TUBD1: variants seen among roughly 807,000 people sequenced by gnomAD.
The protein encoded by TUBD1 is tubulin delta 1.
A neutral mutation model predicts 51.2 loss-of-function variants in TUBD1; 38 were observed. That is an observed-to-expected ratio of 0.74 (90% CI 0.57 to 0.97). TUBD1 has a LOEUF of 0.97. TUBD1 is among the 50% of genes least tolerant of loss of function. The probability of loss-of-function intolerance (pLI) is 0.00; values close to 1 mark genes in which losing one functional copy is unlikely to be tolerated. For missense variants in TUBD1, 489 were observed against 538.4 expected (o/e 0.91, Z 0.91); for synonymous variants, 169 against 178.2 (o/e 0.95, Z 0.41).
chr17:59,862,714 ATTTTTTTTTTTTTTTT>A (rs71145582), intron 8 of TUBD1, among the ~76,000 whole-genome samples: 3 of 56,974 alleles, frequency 5.3e-5, no homozygotes, highest in Admixed American at 2.3e-4. Flanking sequence ...TAATTTTTGT[ATTTTTTTTTTTTTTTT>A]TTTTTTTTTT....
At chr17:59,867,685 A>G (rs1442206700) in intron 6 of TUBD1, among the ~76,000 whole-genome samples, 1 of 151,642 alleles carries the variant, frequency 6.6e-6, no homozygotes, top group Non-Finnish European at 1.5e-5. Flanking sequence ...GAGAAATACC[A>G]CTTGAGGAGT....
intron 1 of TUBD1, among the ~76,000 whole-genome samples, chr17:59,891,433 C>A (rs2144596181): frequency 6.6e-6 from 1 of 152,180 alleles, no homozygotes; most frequent in East Asian, 1.9e-4. Flanking sequence ...CCACGCCCGG[C>A]CCAAAAAGTC....
At chr17:59,885,547 T>G (rs1598569949) in intron 3 of TUBD1, 2 of 1,480,034 alleles carry the variant, frequency 1.4e-6, no homozygotes, top group South Asian at 2.3e-5. Flanking sequence ...GGTTCACTAC[T>G]AGATCTGAGG....
At chr17:59,885,115 A>G in intron 3 of TUBD1, 1 of 346,474 alleles carries the variant, frequency 2.9e-6, no homozygotes, top group Non-Finnish European at 5.6e-6. Flanking sequence ...CGCATAACCA[A>G]TGACATGCTC....
intron 5 of TUBD1, among the ~76,000 whole-genome samples, chr17:59,876,656 C>T (rs941830502): frequency 6.6e-6 from 1 of 151,906 alleles, no homozygotes; most frequent in African/African-American, 2.4e-5. Flanking sequence ...CACACCCGGC[C>T]ACTTTTTAAA....
intron 2 of TUBD1, among the ~76,000 whole-genome samples, chr17:59,890,071 C>T (rs547044695): frequency 3.3e-5 from 5 of 151,876 alleles, no homozygotes; most frequent in African/African-American, 1.2e-4. Context: ...ATAGCCACCG[C>T]ACTCCAGCTT....
At chr17:59,885,527 C>G in intron 3 of TUBD1, 2 of 1,557,896 alleles carry the variant, frequency 1.3e-6, no homozygotes, top group Non-Finnish European at 1.8e-6. Flanking sequence ...TCCAAAGAAC[C>G]TGAGTCGGTG....
chr17:59,871,078 A>G (rs2039960604), intron 6 of TUBD1, among the ~76,000 whole-genome samples: 1 of 152,242 alleles, frequency 6.6e-6, no homozygotes, highest in Admixed American at 6.6e-5. Context: ...GCAACGCTGC[A>G]AGTGAGAAGA....
At chr17:59,870,588 C>A (rs76608740) in intron 6 of TUBD1, among the ~76,000 whole-genome samples, 6,416 of 152,080 alleles carry the variant, frequency 0.042, 476 homozygotes, top group African/African-American at 0.15. Context: ...TGTAGAGAAC[C>A]TTTGGAAAAC....
At chr17:59,873,814 G>A (rs1476933754) in intron 6 of TUBD1, among the ~76,000 whole-genome samples, 1 of 152,020 alleles carries the variant, frequency 6.6e-6, no homozygotes, top group African/African-American at 2.4e-5. Context: ...GCAGTGAGCC[G>A]AGATCGCGCC....
intron 8 of TUBD1, among the ~76,000 whole-genome samples, chr17:59,863,256 G>A (rs2039542267): frequency 6.6e-6 from 1 of 152,110 alleles, no homozygotes; most frequent in African/African-American, 2.4e-5. Context: ...CACCTACAAA[G>A]TAGTAACTAT....
rs886264886 is a variant in TUBD1, at chr17:59,874,456, T to C, written c.934+83A>G. 7.1e-5 allele frequency: 98 copies of C among 1,384,222 alleles called. No homozygotes were observed. In the Middle Eastern group the frequency reaches 1.7e-3, roughly 25 times the overall value. 85.7% of individuals were successfully genotyped at this position (1,384,222 alleles called of 1,614,324 possible). On this transcript the variant is annotated intron_variant, in intron 6 of 8. Coordinates refer to ENST00000325752, the MANE Select transcript of TUBD1 (RefSeq NM_016261.4). ...CAGAAAAAGGGACCATTATTTAAAC[T>C]GGTCCAAGCCAGTTTATATTGAGAC...
At position 59,880,765 on chromosome 17, in the gene TUBD1, T is replaced by C. The variant is rs183543265; in HGVS notation, c.537+129A>G. 5.1e-4 allele frequency: 410 copies of C among 809,790 alleles called. 1 individual carries two copies. In the African/African-American group the frequency reaches 5.4e-3, roughly 11 times the overall value. 50.2% of individuals were successfully genotyped at this position (809,790 alleles called of 1,614,324 possible). ...TCCTGACCTCACGATCCGCCCGCCT[T>C]GGCCTCCCAAAGTGCTGGGATTACA... On this transcript the variant is annotated intron_variant, in intron 4 of 8. Coordinates refer to ENST00000325752, the MANE Select transcript of TUBD1 (RefSeq NM_016261.4).
intron 7 of TUBD1, among the ~76,000 whole-genome samples, chr17:59,864,730 C>T (rs892900015): frequency 4.0e-5 from 6 of 151,522 alleles, no homozygotes; most frequent in Non-Finnish European, 7.4e-5. Flanking sequence ...ATTTCTGGGC[C>T]CAAGCAATCG....
intron 6 of TUBD1, among the ~76,000 whole-genome samples, chr17:59,869,371 G>A (rs911817650): frequency 1.4e-4 from 21 of 151,432 alleles, no homozygotes; most frequent in Non-Finnish European, 2.4e-4. Flanking sequence ...AGCTATTTGG[G>A]AGGCTGAGGC....
chr17:59,872,029 C>A (rs902883190), intron 6 of TUBD1, among the ~76,000 whole-genome samples: 5 of 152,040 alleles, frequency 3.3e-5, no homozygotes, highest in African/African-American at 1.2e-4. Flanking sequence ...TCTCAGCTCG[C>A]TGCAACCTCT....
intron 4 of TUBD1, among the ~76,000 whole-genome samples, chr17:59,878,924 C>T (rs1326057973): frequency 1.3e-5 from 2 of 152,174 alleles, no homozygotes; most frequent in African/African-American, 4.8e-5. Flanking sequence ...CCTATAGTGA[C>T]TTGTCTCACC....
intron 6 of TUBD1, among the ~76,000 whole-genome samples, chr17:59,872,104 C>T (rs1313110299): frequency 6.6e-6 from 1 of 152,064 alleles, no homozygotes; most frequent in Non-Finnish European, 1.5e-5. Context: ...CAAGTGTGTG[C>T]CATCACGCCT....
chr17:59,874,547 A>C lies in TUBD1; in HGVS notation c.926T>G (p.Met309Arg). 1.9e-6 allele frequency: 3 copies of C among 1,610,688 alleles called. No individual in the cohort carries two copies. Among genetic ancestry groups the C allele is most frequent in the Non-Finnish European group, 2.5e-6 (3 of 1,179,370 alleles). The change falls in exon 6 of 9, where the codon ATG becomes AGG. Residue 309 changes from methionine to arginine, a missense_variant. Physicochemically the swap from Met to Arg is moderately conservative, Grantham distance 91. Coordinates refer to ENST00000325752, the MANE Select transcript of TUBD1 (RefSeq NM_016261.4). ...TTTGGACTACTCTTTACCTTCTTCCATCTTTGCATTAGAAATGAGCATCTG... is the reference window on the plus strand; with the variant it reads ...TTTGGACTACTCTTTACCTTCTTCCCTCTTTGCATTAGAAATGAGCATCTG... ...LRQMLISNAK[M>R]EEGIDRHVWP...
Sources: gnomAD v4.1 joint callset for allele counts (sites outside exome capture counted in the v4.1 genomes callset) on GRCh38, gnomAD v4.1.1 for gene constraint, MANE v1.5 for transcripts, NCBI Gene and HGNC (gene_info 2026-07-23, HGNC 2026-07-21) for gene names.